The following CAMTA1 variants were observed in gnomAD, a reference collection of about 807,000 sequenced individuals.
CAMTA1 encodes calmodulin-binding transcription activator 1.
In CAMTA1, 27 loss-of-function variants were observed where a neutral mutation model predicts 170.9. The ratio of observed to expected loss-of-function variants is 0.16; its 90% CI spans 0.12 to 0.22. The LOEUF (loss-of-function observed/expected upper bound fraction) is 0.22. CAMTA1 is among the 10% of genes least tolerant of loss of function. CAMTA1 has a pLI of 1.00. For synonymous variants in CAMTA1, 833 were observed against 891.5 expected (o/e 0.93, Z 1.17); for missense variants, 1,619 against 2,217.2 (o/e 0.73, Z 5.42).
chr1:6,832,753 G>C (rs149217083), intron 3 of CAMTA1, among the ~76,000 whole-genome samples: 88 of 152,256 alleles, frequency 5.8e-4, no homozygotes, highest in Non-Finnish European at 1.0e-3. Flanking sequence ...AGATTATTTT[G>C]TTCCAGGCAG....
At chr1:7,121,132 A>G (rs74051131) in intron 4 of CAMTA1, among the ~76,000 whole-genome samples, 8,391 of 152,288 alleles carry the variant, frequency 0.055, 309 homozygotes, top group African/African-American at 0.1. Context: ...TACCTGGAGG[A>G]TCGAATATGG....
intron 3 of CAMTA1, among the ~76,000 whole-genome samples, chr1:6,893,017 A>G (rs1178774162): frequency 1.3e-5 from 2 of 151,478 alleles, no homozygotes; most frequent in Admixed American, 6.6e-5. Context: ...GCGGTGGCTC[A>G]CGCCTGTAAT....
intron 21 of CAMTA1, among the ~76,000 whole-genome samples, chr1:7,754,240 T>C (rs2096916611): frequency 6.6e-6 from 1 of 152,190 alleles, no homozygotes; most frequent in Admixed American, 6.5e-5. Flanking sequence ...GGTTAATACT[T>C]TCCAGATAGA....
At chr1:7,378,070 A>T (rs1193505991) in intron 5 of CAMTA1, among the ~76,000 whole-genome samples, 1 of 152,222 alleles carries the variant, frequency 6.6e-6, no homozygotes, top group Non-Finnish European at 1.5e-5. Flanking sequence ...ATGTACAGAA[A>T]AGGCCTTTTA....
At chr1:6,813,094 T>C (rs1645375989) in intron 1 of CAMTA1, among the ~76,000 whole-genome samples, 1 of 152,224 alleles carries the variant, frequency 6.6e-6, no homozygotes, top group African/African-American at 2.4e-5. Context: ...TGAGGGTTAT[T>C]ATAGTATAGT....
intron 11 of CAMTA1, among the ~76,000 whole-genome samples, chr1:7,726,132 T>C (rs551200245): frequency 6.6e-6 from 1 of 152,370 alleles, no homozygotes; most frequent in Non-Finnish European, 1.5e-5. Flanking sequence ...TTATGGGACT[T>C]ACCCAGAGGG....
chr1:6,900,302 A>T (rs922698773), intron 3 of CAMTA1, among the ~76,000 whole-genome samples: 3 of 151,436 alleles, frequency 2.0e-5, no homozygotes, highest in Non-Finnish European at 4.4e-5. Flanking sequence ...GAGTTTCTTG[A>T]TGGTGGCCTC....
At chr1:7,749,838 C>T (rs965477525) in intron 19 of CAMTA1, 5 of 456,022 alleles carry the variant, frequency 1.1e-5, no homozygotes, top group Non-Finnish European at 2.2e-5. Context: ...ACCAGAGTCA[C>T]AAACTTCACA....
intron 7 of CAMTA1, among the ~76,000 whole-genome samples, chr1:7,654,375 G>A (rs2095865889): frequency 6.6e-6 from 1 of 151,804 alleles, no homozygotes; most frequent in Non-Finnish European, 1.5e-5. Context: ...GTGAGACCCT[G>A]TCTCAAAAAA....
intron 3 of CAMTA1, among the ~76,000 whole-genome samples, chr1:7,053,242 T>C (rs920657637): frequency 1.3e-5 from 2 of 152,230 alleles, no homozygotes; most frequent in African/African-American, 4.8e-5. Context: ...TTCCTGGTTC[T>C]TTCCCATCAG....
chr1:7,587,245 G>T (rs888376224), intron 6 of CAMTA1, among the ~76,000 whole-genome samples: 3 of 152,010 alleles, frequency 2.0e-5, no homozygotes, highest in African/African-American at 7.3e-5. Flanking sequence ...TCCACCCGCC[G>T]CCCCTGCAGG....
In CAMTA1 at chr1:7,736,207, T is replaced by C; in HGVS notation, c.3067-137T>C. The C allele has an allele frequency of 2.6e-6, 2 of 770,948 alleles. No homozygotes were observed. The highest frequency in any genetic ancestry group is 2.7e-5 in the Admixed American group (1 of 36,688). 47.8% of individuals were successfully genotyped at this position (770,948 alleles called of 1,614,324 possible). ...GGCATGATCCAGCATGCCCAGCCAA[T>C]GTTTCTTTATTTTCAGTGTTTTATG... On this transcript the variant is annotated intron_variant, in intron 12 of 22. Transcript: ENST00000303635. The surrounding 1 kb of genome is among the most constrained non-coding windows in gnomAD (Gnocchi z 4.5).
intron 4 of CAMTA1, among the ~76,000 whole-genome samples, chr1:7,128,845 T>C (rs1225444110): frequency 7.0e-5 from 10 of 143,022 alleles, no homozygotes. Context: ...TTTTTTTTTT[T>C]TTTTTTTTTT....
chr1:7,095,436 G>A (rs1489267975), intron 4 of CAMTA1, among the ~76,000 whole-genome samples: 2 of 152,202 alleles, frequency 1.3e-5, no homozygotes, highest in African/African-American at 4.8e-5. Flanking sequence ...CCCATGGGCT[G>A]GATGCTGTGC....
intron 5 of CAMTA1, among the ~76,000 whole-genome samples, chr1:7,346,965 G>A (rs1007525520): frequency 2.0e-5 from 3 of 152,194 alleles, no homozygotes; most frequent in African/African-American, 4.8e-5. Context: ...CAGCCAGCAC[G>A]GATGTGTTGT....
intron 5 of CAMTA1, among the ~76,000 whole-genome samples, chr1:7,458,399 G>A (rs1011335560): frequency 2.6e-5 from 4 of 152,172 alleles, no homozygotes; most frequent in African/African-American, 9.7e-5. Flanking sequence ...CCTTCCAGGA[G>A]GGTGGTGAGG....
chr1:7,493,787 A>C (rs2093780373), intron 6 of CAMTA1, among the ~76,000 whole-genome samples: 1 of 152,168 alleles, frequency 6.6e-6, no homozygotes, highest in Non-Finnish European at 1.5e-5. Context: ...AGTTCTATGA[A>C]ATGAGGCTGT....
intron 5 of CAMTA1, among the ~76,000 whole-genome samples, chr1:7,269,510 G>A (rs1332663468): frequency 2.6e-5 from 4 of 152,160 alleles, no homozygotes; most frequent in Admixed American, 6.5e-5. Context: ...GAATCAACAG[G>A]TTGAGATTAC....
chr1:7,519,935 C>T (rs931752445), intron 6 of CAMTA1, among the ~76,000 whole-genome samples: 5 of 151,398 alleles, frequency 3.3e-5, no homozygotes, highest in Admixed American at 1.3e-4. Flanking sequence ...CTGTTCATCT[C>T]GGGCACATCA....
Sources: gnomAD v4.1 joint callset for allele counts (sites outside exome capture counted in the v4.1 genomes callset) on GRCh38, gnomAD v4.1.1 for gene constraint, Gnocchi (gnomAD v3.1) non-coding constraint, MANE v1.5 for transcripts, NCBI Gene and HGNC (gene_info 2026-07-23, HGNC 2026-07-21) for gene names.